The following COL13A1 variants were observed in gnomAD, a reference collection of about 807,000 sequenced individuals.
COL13A1 encodes collagen type XIII alpha 1 chain.
COL13A1 carries 89 observed loss-of-function variants against 130.9 expected under a neutral mutation model. The observed-to-expected ratio is 0.68, with a 90% CI of 0.57 to 0.81. The LOEUF is 0.81. Ranked by LOEUF, COL13A1 falls within the 30% of genes least tolerant of loss-of-function variation. COL13A1 has a pLI of 0.00. For synonymous variants in COL13A1, 402 were observed against 341.6 expected (o/e 1.18, Z -1.95); for missense variants, 879 against 934.6 (o/e 0.94, Z 0.78).
In COL13A1 at chr10:69,945,655, C is replaced by A. The variant is rs768930232; in HGVS notation, c.1969-16C>A. 5 of 1,611,376 alleles carry A rather than the reference C, an allele frequency of 3.1e-6. No homozygotes were observed. Among genetic ancestry groups the A allele is most frequent in the Non-Finnish European group, 2.5e-6 (3 of 1,178,862 alleles). Reference sequence around the variant, plus strand: ...CGTGTCTGGCAGGATTCATGCATTTCTTTCTCCCATTTCAGGGCAGCAAAG... The same window carrying A: ...CGTGTCTGGCAGGATTCATGCATTTATTTCTCCCATTTCAGGGCAGCAAAG... On this transcript the variant is annotated splice_polypyrimidine_tract_variant and intron_variant, in intron 36 of 40. Transcript: ENST00000645393.
rs537784525 is a variant in COL13A1, at chr10:69,829,026, C to T, written c.364+6588C>T. 7.9e-5 allele frequency among the ~76,000 whole-genome samples: 12 copies of T among 152,254 alleles called. No homozygotes were observed. The South Asian group carries it at 2.1e-3, about 26-fold the overall frequency. On this transcript the variant is annotated intron_variant, in intron 2 of 40. Coordinates refer to ENST00000645393, the MANE Select transcript of COL13A1 (RefSeq NM_001368882.1). ...CACTGGGCAGCTTCCTTGCCATCTC[C>T]GCCTGGATCCTCAAACGGCACACAA...
Position 69,875,201 on chromosome 10 carries a change from G to C in COL13A1, c.435+38G>C, listed in dbSNP as rs535056180. ...GTTTGTACCTGCTCAGGTGGCCATTGCTTGCTTCTCCGTGCTGGCCTGTCC... is the reference window on the plus strand; with the variant it reads ...GTTTGTACCTGCTCAGGTGGCCATTCCTTGCTTCTCCGTGCTGGCCTGTCC... On this transcript the variant is annotated intron_variant, in intron 5 of 40. Coordinates refer to ENST00000645393, the MANE Select transcript of COL13A1 (RefSeq NM_001368882.1). The C allele has an allele frequency of 3.0e-5, 49 of 1,613,462 alleles. No homozygotes were observed. The South Asian group carries it at 4.7e-4, about 16-fold the overall frequency.
At chr10:69,941,699 A>G (rs971090828) in intron 35 of COL13A1, among the ~76,000 whole-genome samples, 3 of 152,184 alleles carry the variant, frequency 2.0e-5, no homozygotes, top group Non-Finnish European at 4.4e-5. Context: ...CTGATTCCAG[A>G]AAACAGGCAT....
At chr10:69,952,707 G>T (rs976157909) in intron 38 of COL13A1, among the ~76,000 whole-genome samples, 175 bp from the exon 39 acceptor site, 6 of 152,154 alleles carry the variant, frequency 3.9e-5, no homozygotes, top group African/African-American at 7.2e-5. Context: ...TCAGGTTCCT[G>T]GGGGGTGGGG....
intron 32 of COL13A1, 108 bp from the exon 33 acceptor site, chr10:69,936,648 C>G: frequency 7.3e-7 from 1 of 1,363,302 alleles, no homozygotes; most frequent in Non-Finnish European, 1.0e-6. Flanking sequence ...GACCCCAAAC[C>G]ATACTCTGCA....
chr10:69,858,456 G>A (rs1318542910), intron 2 of COL13A1, among the ~76,000 whole-genome samples: 1 of 152,216 alleles, frequency 6.6e-6, no homozygotes, highest in Non-Finnish European at 1.5e-5. Context: ...GTAGAAATTT[G>A]AACCTGTGGC....
rs1250420987 is a variant in COL13A1 at position 69,917,206 on chromosome 10, C to T, written c.922-83C>T. 1.3e-5 allele frequency: 21 copies of T among 1,561,290 alleles called. No homozygotes were observed. In the East Asian group the frequency reaches 4.3e-4, roughly 32 times the overall value. On this transcript the variant is annotated intron_variant, in intron 17 of 40. Coordinates refer to ENST00000645393, the MANE Select transcript of COL13A1 (RefSeq NM_001368882.1). ...CCGGACAGCCATCCCAGCCTCCAGA[C>T]AAGACATTCTCACCGACATCCTTGC...
intron 7 of COL13A1, among the ~76,000 whole-genome samples, chr10:69,882,861 C>G (rs1030220900): frequency 1.3e-5 from 2 of 152,220 alleles, no homozygotes; most frequent in Non-Finnish European, 2.9e-5. Flanking sequence ...TGAGTCCCCA[C>G]TACAGCACGG....
At chr10:69,927,977 T>C (rs1309330010) in intron 27 of COL13A1, among the ~76,000 whole-genome samples, 3 of 152,154 alleles carry the variant, frequency 2.0e-5, no homozygotes, top group Non-Finnish European at 4.4e-5. Flanking sequence ...TTGGCCAACA[T>C]GGTGTCTCTA....
intron 13 of COL13A1, 58 bp downstream of exon 13, chr10:69,895,634 C>T: frequency 6.3e-7 from 1 of 1,583,766 alleles, no homozygotes; most frequent in Non-Finnish European, 8.7e-7. Flanking sequence ...GGCACAGCGC[C>T]CAGCTCAGCC....
At chr10:69,878,113 A>C (rs1409195881) in intron 6 of COL13A1, 48 bp downstream of exon 6, 1 of 702,312 alleles carries the variant, frequency 1.4e-6, no homozygotes, top group African/African-American at 1.7e-5. Flanking sequence ...CTCCTCCTCC[A>C]GGTGGACTCT....
At chr10:69,901,649 A>T (rs2062193137) in intron 14 of COL13A1, among the ~76,000 whole-genome samples, 1 of 152,228 alleles carries the variant, frequency 6.6e-6, no homozygotes, top group Admixed American at 6.5e-5. Flanking sequence ...CCCTCCTCAC[A>T]AGAGCTAAGC....
chr10:69,919,170 CT>C (rs984558832), intron 20 of COL13A1, 82 bp downstream of exon 20: 2 of 1,578,850 alleles, frequency 1.3e-6, no homozygotes, highest in Non-Finnish European at 1.7e-6. Context: ...CTGTTTTGCT[CT>C]TGGTCCCCCT....
chr10:69,802,818 A>T, intron 1 of COL13A1, 101 bp downstream of exon 1: 1 of 1,486,448 alleles, frequency 6.7e-7, no homozygotes, highest in Non-Finnish European at 9.2e-7. Context: ...GCTCTCTGCG[A>T]GCCCCAGGTT....
chr10:69,918,511 G>A (rs2064218566), intron 19 of COL13A1, among the ~76,000 whole-genome samples, 194 bp downstream of exon 19: 2 of 152,182 alleles, frequency 1.3e-5, no homozygotes, highest in Admixed American at 6.5e-5. Flanking sequence ...ACTAAGCCTT[G>A]CAAGTAAGTA....
intron 1 of COL13A1, among the ~76,000 whole-genome samples, chr10:69,807,981 A>C (rs889911655): frequency 6.6e-6 from 1 of 152,242 alleles, no homozygotes; most frequent in Non-Finnish European, 1.5e-5. Flanking sequence ...AACAGTGTTC[A>C]GGAAGCTGCT....
At chr10:69,904,852 G>A in intron 15 of COL13A1, 81 bp from the exon 16 acceptor site, 2 of 1,463,100 alleles carry the variant, frequency 1.4e-6, no homozygotes, top group East Asian at 4.9e-5. Flanking sequence ...TGCCCCTAGG[G>A]TCTACTGTAA....
chr10:69,866,353 G>A (rs914405020), intron 2 of COL13A1, among the ~76,000 whole-genome samples: 4 of 152,192 alleles, frequency 2.6e-5, no homozygotes, highest in Admixed American at 6.5e-5. Flanking sequence ...CCTGGCAGGC[G>A]CAAGGCATCT....
chr10:69,930,000 T>C, intron 28 of COL13A1, 43 bp from the exon 29 acceptor site: 10 of 1,587,776 alleles, frequency 6.3e-6, no homozygotes, highest in Non-Finnish European at 8.6e-6. Flanking sequence ...ATGGCTGCTA[T>C]GTTCTCTGCC....
Sources: allele counts gnomAD v4.1 joint callset (sites outside exome capture counted in the v4.1 genomes callset), GRCh38; gene constraint gnomAD v4.1.1; transcripts MANE v1.5; gene names NCBI Gene and HGNC (gene_info 2026-07-23, HGNC 2026-07-21).